GABBR2: variants seen among roughly 807,000 people sequenced by gnomAD.
GABBR2 encodes the protein gamma-aminobutyric acid type B receptor subunit 2, also known as G-protein coupled receptor 51.
In GABBR2, 23 loss-of-function variants were observed where a neutral mutation model predicts 105.6. The observed-to-expected ratio is 0.22, with a 90% CI of 0.16 to 0.31. The LOEUF is 0.31. Ranked by LOEUF, GABBR2 falls within the 10% of genes least tolerant of loss-of-function variation. The pLI is 1.00. For missense variants in GABBR2, 734 were observed against 1,245.5 expected (o/e 0.59, Z 6.18); for synonymous variants, 478 against 499.7 (o/e 0.96, Z 0.58).
chr9:98,699,471 A>G (rs1564155044), intron 1 of GABBR2, among the ~76,000 whole-genome samples: 1 of 152,162 alleles, frequency 6.6e-6, no homozygotes, highest in East Asian at 1.9e-4. Context: ...CACTTACTCC[A>G]TTTGTTAAAA....
At chr9:98,515,055 A>G (rs1272376954) in intron 3 of GABBR2, among the ~76,000 whole-genome samples, 1 of 152,184 alleles carries the variant, frequency 6.6e-6, no homozygotes, top group African/African-American at 2.4e-5. Context: ...GAACTTTCTA[A>G]CAAGAGAATG....
intron 2 of GABBR2, among the ~76,000 whole-genome samples, chr9:98,553,584 C>T (rs1346473882): frequency 1.3e-5 from 2 of 151,896 alleles, no homozygotes; most frequent in African/African-American, 4.8e-5. Context: ...AGAGGAGACC[C>T]CTTCTCAAAA....
rs1348838061 is a variant in GABBR2, at chr9:98,676,981, C to T, written c.321+31436G>A. Among the ~76,000 whole-genome samples the T allele has an allele frequency of 2.0e-5, 3 of 152,218 alleles. No individual in the cohort carries two copies. The East Asian group carries it at 5.8e-4, about 29-fold the overall frequency. The stretch of plus-strand genomic sequence containing the variant: ...GTGGGCACAGAAGTCTCTTGTGATG[C>T]AACTGAAAGAATTCCAGATTGGGAC... On this transcript the variant is annotated intron_variant, in intron 1 of 18. Transcript: ENST00000259455.
chr9:98,392,071 T>C (rs1292846694), intron 9 of GABBR2, among the ~76,000 whole-genome samples: 2 of 152,022 alleles, frequency 1.3e-5, no homozygotes, highest in Non-Finnish European at 1.5e-5. Flanking sequence ...ATTCACGGTC[T>C]TGGTAGTGGG....
chr9:98,656,976 C>G (rs1305963755), intron 1 of GABBR2, among the ~76,000 whole-genome samples: 1 of 152,202 alleles, frequency 6.6e-6, no homozygotes, highest in African/African-American at 2.4e-5. Context: ...AGGCCACATT[C>G]AACCTTGAAA....
At position 98,293,810 on chromosome 9, in the gene GABBR2, T is replaced by C. The variant is rs79226810; in HGVS notation, c.2635A>G (p.Ile879Val). The C allele has an allele frequency of 1.5e-4, 240 of 1,592,860 alleles. No homozygotes were observed. The highest frequency in any genetic ancestry group is 2.0e-4 in the Non-Finnish European group (228 of 1,161,316). Residue 879 changes from isoleucine (I) to valine (V), a missense_variant, in exon 18 of 19, where the codon ATA becomes GTA. Ile to Val is a conservative substitution (Grantham distance 29). Transcript: ENST00000259455. ...TEPSRTCKDPIEDINSPEHIQ... is the reference protein window; with the variant it reads ...TEPSRTCKDPVEDINSPEHIQ... ...TGTTCTGGAGAGTTTATATCTTCTA[T>C]AGGATCTTTGCATGTTCGAGAGGGC...
chr9:98,363,093 G>A (rs920630241), intron 12 of GABBR2, among the ~76,000 whole-genome samples: 1 of 152,104 alleles, frequency 6.6e-6, no homozygotes, highest in Non-Finnish European at 1.5e-5. Context: ...CTAGTCCCTG[G>A]CCGAGCTGTG....
intron 3 of GABBR2, among the ~76,000 whole-genome samples, chr9:98,510,114 T>G (rs200842098): frequency 0.11 from 17,362 of 152,252 alleles, 1,653 homozygotes; most frequent in East Asian, 0.5. Flanking sequence ...GGGACCAATA[T>G]TCAACATTCT....
At chr9:98,431,329 G>C (rs1825805599) in intron 7 of GABBR2, among the ~76,000 whole-genome samples, 1 of 152,084 alleles carries the variant, frequency 6.6e-6, no homozygotes, top group Non-Finnish European at 1.5e-5. Context: ...GGCAAGAACT[G>C]ATTGTTTGCT....
rs865858045 is a variant in GABBR2, at chr9:98,645,141, C to T, written c.321+63276G>A. Among the ~76,000 whole-genome samples the T allele has an allele frequency of 3.3e-5, 5 of 152,272 alleles. No individual in the cohort carries two copies. In the Middle Eastern group the frequency reaches 0.01, roughly 311 times the overall value. On this transcript the variant is annotated intron_variant, in intron 1 of 18. Transcript: ENST00000259455. ...GGCTTCTGTCGACCCTTGTTGCCTA[C>T]CTGTAGGGAATAAACCACTTCATGT...
chr9:98,671,105 C>T (rs558353300), intron 1 of GABBR2, among the ~76,000 whole-genome samples: 1 of 152,252 alleles, frequency 6.6e-6, no homozygotes, highest in Non-Finnish European at 1.5e-5. Flanking sequence ...ATTAAAAAGA[C>T]AAACAGGAAA....
intron 18 of GABBR2, among the ~76,000 whole-genome samples, chr9:98,292,414 T>G (rs543391608): frequency 1.3e-5 from 2 of 152,178 alleles, no homozygotes; most frequent in Admixed American, 1.3e-4. Flanking sequence ...AATCAACTCA[T>G]GGGGGCAGCC....
intron 1 of GABBR2, among the ~76,000 whole-genome samples, chr9:98,591,399 G>A (rs1046186097): frequency 2.0e-5 from 3 of 152,224 alleles, no homozygotes; most frequent in African/African-American, 7.2e-5. Context: ...ACAGGTAGGT[G>A]TGGTTTTCTT....
intron 1 of GABBR2, among the ~76,000 whole-genome samples, chr9:98,610,331 C>T (rs1829487685): frequency 6.6e-6 from 1 of 152,320 alleles, no homozygotes; most frequent in East Asian, 1.9e-4. Flanking sequence ...GGACACAGAG[C>T]CTGGCCCACA....
intron 13 of GABBR2, among the ~76,000 whole-genome samples, chr9:98,333,968 C>T (rs1325331256): frequency 6.6e-6 from 1 of 152,212 alleles, no homozygotes; most frequent in African/African-American, 2.4e-5. Flanking sequence ...GTTGTGAAGA[C>T]TGAATGAGTT....
intron 1 of GABBR2, among the ~76,000 whole-genome samples, chr9:98,604,805 G>A (rs1829388924): frequency 1.3e-5 from 2 of 152,144 alleles, no homozygotes; most frequent in African/African-American, 2.4e-5. Flanking sequence ...TTTACTAATG[G>A]CAAACTGAGG....
intron 4 of GABBR2, among the ~76,000 whole-genome samples, chr9:98,487,645 G>T (rs1049860226): frequency 6.6e-6 from 1 of 151,890 alleles, no homozygotes; most frequent in Non-Finnish European, 1.5e-5. Context: ...GAGTATGGTG[G>T]TGCATGCCTG....
At chr9:98,469,915 G>A (rs1406473666) in intron 6 of GABBR2, among the ~76,000 whole-genome samples, 7 of 152,308 alleles carry the variant, frequency 4.6e-5, no homozygotes, top group South Asian at 4.1e-4. Context: ...CATGCTGACC[G>A]TGGCCCCAAG....
In GABBR2 at chr9:98,678,090, C is replaced by T. The variant is rs79041116; in HGVS notation, c.321+30327G>A. Reference sequence around the variant, plus strand: ...TTCATTGATGTACCCTCCCTCAACCCCCACTGTCTACAACCTATAATAAAT... The same window carrying T: ...TTCATTGATGTACCCTCCCTCAACCTCCACTGTCTACAACCTATAATAAAT... On this transcript the variant is annotated intron_variant, in intron 1 of 18. Coordinates refer to ENST00000259455, the MANE Select transcript of GABBR2 (RefSeq NM_005458.8). 2.6e-5 allele frequency among the ~76,000 whole-genome samples: 4 copies of T among 152,282 alleles called. No homozygotes were observed. In the East Asian group the frequency reaches 7.7e-4, roughly 29 times the overall value.
Sources: gnomAD v4.1 joint callset for allele counts (sites outside exome capture counted in the v4.1 genomes callset) on GRCh38, gnomAD v4.1.1 for gene constraint, MANE v1.5 for transcripts, NCBI Gene and HGNC (gene_info 2026-07-23, HGNC 2026-07-21) for gene names.